TAFA1: variants seen among roughly 807,000 people sequenced by gnomAD.
The protein encoded by TAFA1 is TAFA chemokine like family member 1.
TAFA1 carries 4 observed loss-of-function variants against 18.5 expected under a neutral mutation model. The ratio of observed to expected loss-of-function variants is 0.22; its 90% CI spans 0.11 to 0.49. The LOEUF (loss-of-function observed/expected upper bound fraction) is 0.49. Ranked by LOEUF, TAFA1 falls within the 20% of genes least tolerant of loss-of-function variation. TAFA1 has a pLI of 0.98. For synonymous variants in TAFA1, 56 were observed against 55.2 expected, an observed-to-expected ratio of 1.01 and a Z score of -0.06; for missense variants, 147 against 169.0, an observed-to-expected ratio of 0.87 and a Z score of 0.72.
rs116444731 is a variant in TAFA1 at position 68,085,177 on chromosome 3, G to T, written c.118+78433G>T. On this transcript the variant is annotated intron_variant, in intron 2 of 4. Transcript: ENST00000478136. ...TTATAATTCCTGAGAGTAAGGCATT[G>T]CTATCTTTATTTTATAGATAGTGGA... Among the ~76,000 whole-genome samples the T allele has an allele frequency of 3.6e-3, 555 of 152,264 alleles. 4 individuals are homozygous for T. Among genetic ancestry groups the T allele is most frequent in the African/African-American group, 0.012 (518 of 41,554 alleles).
intron 3 of TAFA1, among the ~76,000 whole-genome samples, chr3:68,430,940 G>A (rs1030710114): frequency 2.0e-5 from 3 of 151,982 alleles, no homozygotes; most frequent in African/African-American, 2.4e-5. Flanking sequence ...CAGGGGAAGC[G>A]CATCTGGGTA....
intron 2 of TAFA1, among the ~76,000 whole-genome samples, chr3:68,141,471 G>A (rs2065666339): frequency 6.6e-6 from 1 of 152,148 alleles, no homozygotes; most frequent in Non-Finnish European, 1.5e-5. Flanking sequence ...TTCTGTTTTT[G>A]TCTAACTGAC....
intron 2 of TAFA1, among the ~76,000 whole-genome samples, chr3:68,268,834 AAGATGT>A (rs1175594800): frequency 1.3e-5 from 2 of 152,166 alleles, no homozygotes; most frequent in African/African-American, 4.8e-5. Flanking sequence ...ATAATTAAAA[AAGATGT>A]AAACTTTCAG....
intron 2 of TAFA1, among the ~76,000 whole-genome samples, chr3:68,399,957 A>G (rs1364703042): frequency 6.6e-6 from 1 of 152,162 alleles, no homozygotes; most frequent in East Asian, 1.9e-4. Flanking sequence ...CGACTCACAC[A>G]GGATCTCTCC....
At chr3:68,369,919 T>G (rs1158782152) in intron 2 of TAFA1, among the ~76,000 whole-genome samples, 1 of 152,150 alleles carries the variant, frequency 6.6e-6, no homozygotes. Context: ...ACCACCCATG[T>G]GCTTTTAAGG....
At chr3:68,082,279 C>T (rs141298645) in intron 2 of TAFA1, among the ~76,000 whole-genome samples, 16 of 152,194 alleles carry the variant, frequency 1.1e-4, no homozygotes, top group East Asian at 5.8e-4. Flanking sequence ...TCTTGTGCGT[C>T]GCTCACGCTG....
chr3:68,218,373 A>G lies in TAFA1; in HGVS notation c.119-198907A>G, dbSNP rs192134276. Among the ~76,000 whole-genome samples the G allele has an allele frequency of 4.1e-3, 617 of 152,216 alleles. 18 individuals carry two copies. Among genetic ancestry groups the G allele is most frequent in the Non-Finnish European group, 6.8e-4 (46 of 67,998 alleles). On this transcript the variant is annotated intron_variant, in intron 2 of 4. Coordinates refer to ENST00000478136, the MANE Select transcript of TAFA1 (RefSeq NM_213609.4). The stretch of plus-strand genomic sequence containing the variant: ...AATTTCTTAATATGTAGGTTAATTA[A>G]TTACAGCTTTTAAAAGAGAGTATAT...
chr3:68,384,858 G>C (rs750575116), intron 2 of TAFA1, among the ~76,000 whole-genome samples: 2 of 152,010 alleles, frequency 1.3e-5, no homozygotes, highest in Non-Finnish European at 2.9e-5. Context: ...TCTGCATTGA[G>C]TGTATATATA....
chr3:68,161,155 C>G (rs73834865), intron 2 of TAFA1, among the ~76,000 whole-genome samples: 6,200 of 152,244 alleles, frequency 0.041, 146 homozygotes, highest in Middle Eastern at 0.082. Flanking sequence ...ACAATGTTTA[C>G]CTCTATCCCA....
intron 3 of TAFA1, among the ~76,000 whole-genome samples, chr3:68,527,266 A>G (rs1219199800): frequency 6.6e-6 from 1 of 152,134 alleles, no homozygotes; most frequent in Non-Finnish European, 1.5e-5. Context: ...TAAGACAAAG[A>G]GTATTATTAG....
chr3:68,275,910 G>A (rs566636044), intron 2 of TAFA1, among the ~76,000 whole-genome samples: 3 of 152,146 alleles, frequency 2.0e-5, no homozygotes, highest in East Asian at 3.9e-4. Flanking sequence ...AGGATTAGGG[G>A]CTTTCTCTGT....
intron 2 of TAFA1, among the ~76,000 whole-genome samples, chr3:68,026,506 A>G (rs1307835821): frequency 6.6e-6 from 1 of 152,154 alleles, no homozygotes; most frequent in Non-Finnish European, 1.5e-5. Flanking sequence ...TGGAGCCTTT[A>G]TCATGTACTG....
intron 2 of TAFA1, among the ~76,000 whole-genome samples, chr3:68,082,001 G>A (rs927650442): frequency 5.3e-5 from 8 of 152,236 alleles, no homozygotes; most frequent in African/African-American, 9.6e-5. Context: ...CCAGGTGCAG[G>A]ATATAATCTC....
chr3:68,253,150 T>C (rs1227713520), intron 2 of TAFA1, among the ~76,000 whole-genome samples: 1 of 152,198 alleles, frequency 6.6e-6, no homozygotes, highest in Non-Finnish European at 1.5e-5. Context: ...AACTACCTCA[T>C]ATTTCTGGTG....
intron 2 of TAFA1, among the ~76,000 whole-genome samples, chr3:68,102,283 C>A (rs2065156562): frequency 6.6e-6 from 1 of 152,096 alleles, no homozygotes; most frequent in South Asian, 2.1e-4. Flanking sequence ...AGTTCTAAAA[C>A]CTCTGTCCAA....
intron 2 of TAFA1, among the ~76,000 whole-genome samples, chr3:68,187,899 T>C (rs2066290054): frequency 6.6e-6 from 1 of 152,014 alleles, no homozygotes; most frequent in Admixed American, 6.6e-5. Context: ...ATTTGCATTT[T>C]GTTAATTACT....
chr3:68,323,063 C>T (rs533676201), intron 2 of TAFA1, among the ~76,000 whole-genome samples: 12 of 152,260 alleles, frequency 7.9e-5, no homozygotes, highest in African/African-American at 2.4e-4. Context: ...TGCTGAAAAG[C>T]GGTGCCATGG....
At chr3:68,382,005 C>T (rs1247778241) in intron 2 of TAFA1, among the ~76,000 whole-genome samples, 1 of 152,018 alleles carries the variant, frequency 6.6e-6, no homozygotes. Flanking sequence ...TGTCAAAGGC[C>T]TTTTCTGCCT....
intron 2 of TAFA1, among the ~76,000 whole-genome samples, chr3:68,369,393 T>TA (rs2069635942): frequency 6.6e-6 from 1 of 152,202 alleles, no homozygotes; most frequent in South Asian, 2.1e-4. Context: ...TGCTGAAGTT[T>TA]AAAAAATTTA....
Sources: gnomAD v4.1 joint callset for allele counts (sites outside exome capture counted in the v4.1 genomes callset) on GRCh38, gnomAD v4.1.1 for gene constraint, MANE v1.5 for transcripts, NCBI Gene and HGNC (gene_info 2026-07-23, HGNC 2026-07-21) for gene names.